PHF11: variants seen among roughly 807,000 people sequenced by gnomAD.
PHF11 encodes the protein BRCA1 C-terminus-associated protein.
A neutral mutation model predicts 40.5 loss-of-function variants in PHF11; 38 were observed. The observed-to-expected ratio is 0.94, with a 90% CI of 0.72 to 1.23. PHF11 has a LOEUF of 1.23. Among genes scored for constraint, PHF11 ranks in the 50% most tolerant of loss-of-function variants. The pLI, the probability that PHF11 is intolerant of heterozygous loss-of-function variation, is 0.00. For missense variants in PHF11, 369 were observed against 392.4 expected (o/e 0.94, Z 0.50); for synonymous variants, 127 against 138.2 (o/e 0.92, Z 0.57).
intron 4 of PHF11, among the ~76,000 whole-genome samples, chr13:49,519,190 A>T (rs1959176298): frequency 6.6e-6 from 1 of 152,214 alleles, no homozygotes; most frequent in Non-Finnish European, 1.5e-5. Context: ...GTTGCTAATC[A>T]GACATGAAAT....
intron 2 of PHF11, among the ~76,000 whole-genome samples, chr13:49,507,670 C>T (rs1959021892): frequency 6.6e-6 from 1 of 152,202 alleles, no homozygotes; most frequent in Non-Finnish European, 1.5e-5. Context: ...AGGACACTTA[C>T]GTTAGCCCAC....
rs946308906 is a variant in PHF11, at chr13:49,499,443, C to G, written c.94+3348C>G. ...CCTCTATAACACACACATCCTTATTCCTATTTATACATTCTAAAGATATTC... is the reference window on the plus strand; with the variant it reads ...CCTCTATAACACACACATCCTTATTGCTATTTATACATTCTAAAGATATTC... On this transcript the variant is annotated intron_variant, in intron 1 of 9. Coordinates refer to ENST00000378319, the MANE Select transcript of PHF11 (RefSeq NM_001040443.3). 4.6e-4 allele frequency among the ~76,000 whole-genome samples: 70 copies of G among 152,204 alleles called. 2 individuals are homozygous for G. The highest frequency in any genetic ancestry group is 1.5e-5 in the Non-Finnish European group (1 of 68,032).
intron 3 of PHF11, among the ~76,000 whole-genome samples, chr13:49,514,888 GT>G (rs1959131225): frequency 6.6e-6 from 1 of 152,186 alleles, no homozygotes; most frequent in Non-Finnish European, 1.5e-5. Flanking sequence ...GATTTTGGGT[GT>G]GATGAGATGG....
At chr13:49,496,834 T>TA (rs1382440578) in intron 1 of PHF11, among the ~76,000 whole-genome samples, 1 of 140,420 alleles carries the variant, frequency 7.1e-6, no homozygotes, top group Non-Finnish European at 1.5e-5. Flanking sequence ...CTTACCCTTT[T>TA]TTTTTTTTTT....
chr13:49,523,404 C>A (rs2139075086), intron 7 of PHF11, 163 bp downstream of exon 7: 1 of 608,600 alleles, frequency 1.6e-6, no homozygotes, highest in East Asian at 2.9e-5. Context: ...CTATTGTAAT[C>A]CCAGCATATC....
chr13:49,496,066 C>T lies in PHF11; in HGVS notation c.65C>T (p.Pro22Leu). The change falls in exon 1 of 10, where the codon CCC becomes CTC. Residue 22 changes from proline (P) to leucine (L), a missense_variant. By Grantham distance (98) the Pro-to-Leu change is moderately conservative. Transcript: ENST00000378319. ...VLGASSPEAR[P>L]AQEALLLPTG... ...GGCGCCAGCAGCCCGGAGGCCCGGC[C>T]CGCGCAGGAGGCGCTCCTCCTTCCC... 6.9e-7 allele frequency: 1 copy of T among 1,449,794 alleles called. No individual in the cohort carries two copies. The highest frequency in any genetic ancestry group is 1.3e-5 in the South Asian group (1 of 74,300). 89.8% of individuals were successfully genotyped at this position (1,449,794 alleles called of 1,614,324 possible). A position where few individuals can be genotyped will look rare whatever the true frequency, so the allele number is the denominator to read the frequency against.
At chr13:49,527,803 C>T (rs1347507696) in intron 9 of PHF11, among the ~76,000 whole-genome samples, 1 of 151,842 alleles carries the variant, frequency 6.6e-6, no homozygotes, top group Non-Finnish European at 1.5e-5. Context: ...CTACTTAGAA[C>T]TGCATGAGAT....
intron 8 of PHF11, among the ~76,000 whole-genome samples, chr13:49,525,057 C>T (rs930886085): frequency 6.6e-6 from 1 of 152,170 alleles, no homozygotes; most frequent in Non-Finnish European, 1.5e-5. Flanking sequence ...GAATCCAATT[C>T]TATTCCTTAA....
chr13:49,515,885 G>A (rs1248962304), intron 3 of PHF11, among the ~76,000 whole-genome samples: 2 of 152,086 alleles, frequency 1.3e-5, no homozygotes, highest in East Asian at 3.9e-4. Context: ...TAAGTCCTAC[G>A]TGACCCAGCC....
chr13:49,509,190 A>G (rs1055331292), intron 2 of PHF11, among the ~76,000 whole-genome samples: 1 of 151,654 alleles, frequency 6.6e-6, no homozygotes, highest in Non-Finnish European at 1.5e-5. Flanking sequence ...ATGATATGCA[A>G]TCTATCCTGA....
intron 1 of PHF11, among the ~76,000 whole-genome samples, chr13:49,502,369 A>T (rs1958921300): frequency 6.6e-6 from 1 of 152,190 alleles, no homozygotes; most frequent in Non-Finnish European, 1.5e-5. Context: ...AGTGTTTTCT[A>T]TGTCCATCTC....
At chr13:49,522,693 C>T (rs1297333339) in intron 6 of PHF11, among the ~76,000 whole-genome samples, 1 of 151,794 alleles carries the variant, frequency 6.6e-6, no homozygotes, top group Non-Finnish European at 1.5e-5. Context: ...TTGTCAAACA[C>T]CTCTTAATGT....
intron 8 of PHF11, chr13:49,525,753 T>C (rs1246916240): frequency 6.6e-6 from 3 of 453,470 alleles, no homozygotes; most frequent in Non-Finnish European, 1.3e-5. Flanking sequence ...TATACTATTT[T>C]ATTCATTTAT....
At chr13:49,518,930 G>T (rs1180253527) in intron 4 of PHF11, 2 of 150,792 alleles carry the variant, frequency 1.3e-5, no homozygotes, top group Admixed American at 6.6e-5. Context: ...CCGCCTCCCG[G>T]GTTCACGCCA....
intron 2 of PHF11, among the ~76,000 whole-genome samples, chr13:49,512,024 A>T (rs1294394682): frequency 2.0e-5 from 3 of 152,250 alleles, no homozygotes; most frequent in African/African-American, 7.2e-5. Context: ...TACCAATAAT[A>T]TGTAAGAATT....
rs746996040 is a variant in PHF11 at position 49,528,680 on chromosome 13, T to C, written c.*15T>C. 2.6e-5 allele frequency: 40 copies of C among 1,567,956 alleles called. No individual in the cohort carries two copies. The East Asian group carries it at 8.3e-4, about 32-fold the overall frequency. On this transcript the variant is annotated 3_prime_UTR_variant, in exon 10 of 10. Coordinates refer to ENST00000378319, the MANE Select transcript of PHF11 (RefSeq NM_001040443.3). The stretch of plus-strand genomic sequence containing the variant: ...TGTCTTATTAGGGATTACCGTTTCC[T>C]AAGCCAAGAGTCATGTCAAATTGCA...
intron 3 of PHF11, among the ~76,000 whole-genome samples, chr13:49,517,736 G>C (rs569926622): frequency 4.3e-4 from 65 of 152,308 alleles, no homozygotes; most frequent in Admixed American, 4.1e-3. Flanking sequence ...AAAAGACAGA[G>C]ACTGTTTTTT....
In PHF11 at chr13:49,506,720, A is replaced by G. The variant is rs748979847; in HGVS notation, c.180A>G (p.Ala60=). The G allele has an allele frequency of 6.2e-7, 1 of 1,608,872 alleles. No individual in the cohort carries two copies. Among genetic ancestry groups the G allele is most frequent in the Admixed American group, 1.7e-5 (1 of 59,930 alleles). Residue 60 remains alanine (A), a synonymous_variant, in exon 2 of 10, where the codon GCA becomes GCG. Coordinates refer to ENST00000378319, the MANE Select transcript of PHF11 (RefSeq NM_001040443.3). Reference sequence around the variant, plus strand: ...TCGAATATAATGTCCTATACTTTGCACAATCAGAGAATATAGCTGCTCATG... The same window carrying G: ...TCGAATATAATGTCCTATACTTTGCGCAATCAGAGAATATAGCTGCTCATG... ...KDVEYNVLYF[A]QSENIAAHEN...
At chr13:49,522,004 C>A (rs1054237832) in intron 5 of PHF11, 39 bp from the exon 6 acceptor site, 2 of 1,000,500 alleles carry the variant, frequency 2.0e-6, no homozygotes, top group Admixed American at 3.6e-5. Context: ...TAATCTTTTC[C>A]TTTATGGATT....
Sources: gnomAD v4.1 joint callset for allele counts (sites outside exome capture counted in the v4.1 genomes callset) on GRCh38, gnomAD v4.1.1 for gene constraint, MANE v1.5 for transcripts, NCBI Gene and HGNC (gene_info 2026-07-23, HGNC 2026-07-21) for gene names.